The following SLCO1B1 variants were observed in gnomAD, a reference collection of about 807,000 sequenced individuals.
The protein encoded by SLCO1B1 is solute carrier organic anion transporter family member 1B1.
Under a neutral mutation model 70.1 loss-of-function variants are expected in SLCO1B1, and 81 were observed. That is an observed-to-expected ratio of 1.16 (90% CI 0.97 to 1.39). The LOEUF (loss-of-function observed/expected upper bound fraction) is 1.39, where lower values mean the gene tolerates loss of function less well. Ranked by LOEUF, SLCO1B1 falls within the 40% of genes most tolerant of loss-of-function variation. SLCO1B1 has a pLI of 0.00. For missense variants in SLCO1B1, 895 were observed against 799.6 expected (o/e 1.12, Z -1.44); for synonymous variants, 283 against 271.5 (o/e 1.04, Z -0.42).
chr12:21,217,201 A>G lies in SLCO1B1; in HGVS notation c.1580A>G (p.Asp527Gly). ...GCCCATTTGGGTGAATGCCCAAGAG[A>G]TGATGCTTGTACAAGGAAATTTTAC... Reference protein sequence around the residue: ...YSAHLGECPRDDACTRKFYFF... With the variant: ...YSAHLGECPRGDACTRKFYFF... Residue 527 changes from aspartate to glycine, a missense_variant, in exon 12 of 15, where the codon GAT becomes GGT. Transcript: ENST00000256958. The G allele has an allele frequency of 6.2e-7, 1 of 1,613,714 alleles. No individual in the cohort carries two copies. The highest frequency in any genetic ancestry group is 8.5e-7 in the Non-Finnish European group (1 of 1,179,686).
At chr12:21,148,695 CT>C (rs71043249) in intron 2 of SLCO1B1, among the ~76,000 whole-genome samples, 8,278 of 99,864 alleles carry the variant, frequency 0.083, 191 homozygotes, top group African/African-American at 0.11. Context: ...GCTATATGGG[CT>C]TTTTTTTTTT....
intron 1 of SLCO1B1, among the ~76,000 whole-genome samples, chr12:21,132,682 C>T (rs938053131): frequency 6.6e-5 from 10 of 151,478 alleles, no homozygotes; most frequent in South Asian, 2.1e-4. Context: ...TTGATGGGGT[C>T]GTTTGTCTTT....
intron 12 of SLCO1B1, among the ~76,000 whole-genome samples, chr12:21,218,218 TACTG>T (rs1941383124): frequency 2.0e-5 from 3 of 152,158 alleles, no homozygotes; most frequent in African/African-American, 7.2e-5. Context: ...GATTGAAACA[TACTG>T]AATGAGAGGT....
chr12:21,155,114 T>A (rs954148778), intron 2 of SLCO1B1, among the ~76,000 whole-genome samples: 6 of 151,938 alleles, frequency 3.9e-5, no homozygotes, highest in African/African-American at 1.2e-4. Context: ...TTGTTTTTTT[T>A]AATCTTAGTA....
intron 11 of SLCO1B1, among the ~76,000 whole-genome samples, chr12:21,212,374 T>C (rs1191547286): frequency 1.8e-5 from 2 of 110,712 alleles, no homozygotes; most frequent in East Asian, 3.0e-4. Flanking sequence ...TTGAGCGGTT[T>C]TGAGTGAGAT....
intron 7 of SLCO1B1, among the ~76,000 whole-genome samples, chr12:21,195,362 T>C (rs1941079201): frequency 6.6e-6 from 1 of 152,170 alleles, no homozygotes; most frequent in Admixed American, 6.5e-5. Context: ...ATATTTCACA[T>C]GCTATCCAAT....
chr12:21,138,912 T>G (rs1940267924), intron 1 of SLCO1B1, among the ~76,000 whole-genome samples: 2 of 152,178 alleles, frequency 1.3e-5, no homozygotes, highest in South Asian at 4.1e-4. Context: ...GTTTAGGTTG[T>G]GAAGACCATC....
chr12:21,186,450 G>A (rs963892954), intron 7 of SLCO1B1, among the ~76,000 whole-genome samples: 8 of 151,550 alleles, frequency 5.3e-5, no homozygotes, highest in South Asian at 2.1e-4. Context: ...ATTCTTGTGC[G>A]TTTTTATACT....
rs150591039 is a variant in SLCO1B1 at position 21,154,124 on chromosome 12, T to C, written c.84+12466T>C. 1.2e-3 allele frequency among the ~76,000 whole-genome samples: 187 copies of C among 152,190 alleles called. 2 individuals carry two copies. The highest frequency in any genetic ancestry group is 2.0e-3 in the Non-Finnish European group (139 of 67,982). ...AATGCTCCCTTAAAATTCTTTCTTA[T>C]ACTTTTTGAATGTATATGCCTATCT... is the stretch of plus-strand genomic sequence containing the variant. On this transcript the variant is annotated intron_variant, in intron 2 of 14. Transcript: ENST00000256958.
chr12:21,141,249 G>C (rs1183385264), intron 1 of SLCO1B1, among the ~76,000 whole-genome samples: 1 of 145,812 alleles, frequency 6.9e-6, no homozygotes, highest in African/African-American at 2.4e-5. Flanking sequence ...GTAATCTGGT[G>C]TGTGATTCTA....
chr12:21,163,162 A>G (rs1940642946), intron 2 of SLCO1B1, among the ~76,000 whole-genome samples: 1 of 152,054 alleles, frequency 6.6e-6, no homozygotes, highest in Non-Finnish European at 1.5e-5. Context: ...AATTATACTT[A>G]TTTACTTCAG....
At chr12:21,152,533 C>CTGTTTTTTTTTTTTTTTT (rs1940484981) in intron 2 of SLCO1B1, among the ~76,000 whole-genome samples, 10 of 34,344 alleles carry the variant, frequency 2.9e-4, no homozygotes, top group Admixed American at 1.1e-3. Context: ...AGAGGAGAGG[C>CTGTTTTTTTTTTTTTTTT]TTTTTTTTTT....
chr12:21,217,326 T>C (rs1374093543), intron 12 of SLCO1B1, 23 bp downstream of exon 12: 5 of 1,587,482 alleles, frequency 3.1e-6, no homozygotes, highest in Non-Finnish European at 4.3e-6. Context: ...TTTAAAAACA[T>C]TTTCATATGC....
intron 11 of SLCO1B1, among the ~76,000 whole-genome samples, chr12:21,210,038 T>C (rs1941262258): frequency 6.7e-6 from 1 of 149,102 alleles, no homozygotes; most frequent in Non-Finnish European, 1.5e-5. Flanking sequence ...TAGTTTTTTT[T>C]GCTGTGCAGA....
At chr12:21,177,027 G>C (rs1263562811) in intron 5 of SLCO1B1, 130 bp downstream of exon 5, 1 of 707,828 alleles carries the variant, frequency 1.4e-6, no homozygotes. Context: ...GACTCTTACA[G>C]ACATAATTAT....
At position 21,169,685 on chromosome 12, in the gene SLCO1B1, A is replaced by G. The variant is rs545434865; in HGVS notation, c.85-2965A>G. The stretch of plus-strand genomic sequence containing the variant: ...TCATTGCACTACTTGACTAATTTCA[A>G]GTTCTATGTCTGGCAATTCCTATAT... On this transcript the variant is annotated intron_variant, in intron 2 of 14. Coordinates refer to ENST00000256958, the MANE Select transcript of SLCO1B1 (RefSeq NM_006446.5). 1.1e-4 allele frequency among the ~76,000 whole-genome samples: 16 copies of G among 151,990 alleles called. No homozygotes were observed. In the South Asian group the frequency reaches 3.3e-3, roughly 32 times the overall value.
chr12:21,231,403 A>T (rs1019877804), intron 14 of SLCO1B1, among the ~76,000 whole-genome samples: 1 of 134,952 alleles, frequency 7.4e-6, no homozygotes, highest in South Asian at 2.2e-4. Context: ...TCCTCCTTCA[A>T]TGCCTGGGGT....
intron 7 of SLCO1B1, among the ~76,000 whole-genome samples, chr12:21,188,436 A>G (rs1005699143): frequency 3.3e-5 from 5 of 152,282 alleles, no homozygotes; most frequent in Admixed American, 3.3e-4. Flanking sequence ...TACATATAAC[A>G]TACAAAACAT....
intron 2 of SLCO1B1, among the ~76,000 whole-genome samples, chr12:21,151,458 A>G (rs1411272205): frequency 1.3e-5 from 2 of 152,152 alleles, no homozygotes; most frequent in East Asian, 3.8e-4. Context: ...CATTTCTTGT[A>G]TCATTATTGT....
Sources: gnomAD v4.1 joint callset for allele counts (sites outside exome capture counted in the v4.1 genomes callset) on GRCh38, gnomAD v4.1.1 for gene constraint, MANE v1.5 for transcripts, NCBI Gene and HGNC (gene_info 2026-07-23, HGNC 2026-07-21) for gene names.